Variants in TMED8 observed in about 807,000 individuals in gnomAD.
The protein encoded by TMED8 is protein TMED8.
In TMED8, 15 loss-of-function variants were observed where a neutral mutation model predicts 32.7. The ratio of observed to expected loss-of-function variants is 0.46; its 90% CI spans 0.31 to 0.71. The LOEUF (loss-of-function observed/expected upper bound fraction) is 0.71. Ranked by LOEUF, TMED8 falls within the 30% of genes least tolerant of loss-of-function variation. The pLI is 0.06. For missense variants in TMED8, 390 were observed against 423.9 expected (o/e 0.92, Z 0.70); for synonymous variants, 147 against 161.4 (o/e 0.91, Z 0.68).
chr14:77,335,117 AAT>A lies in TMED8; in HGVS notation c.*6652_*6653del, dbSNP rs1232944712. ...CAAAAGCATCACAAAACTGTTACCT[AAT>A]ATAAAACGCAAGAACTGAGCTACTT... On this transcript the variant is annotated 3_prime_UTR_variant, in exon 6 of 6. Coordinates refer to ENST00000216468, the MANE Select transcript of TMED8 (RefSeq NM_213601.3). 4 of 152,208 alleles carry A rather than the reference AAT, an allele frequency of 2.6e-5. No homozygotes were observed. The highest frequency in any genetic ancestry group is 5.9e-5 in the Non-Finnish European group (4 of 68,036). The allele number at this position is 152,208 out of a possible 1,614,324, so 9.4% of individuals were successfully genotyped here.
chr14:77,364,536 TA>T (rs1218983631), intron 1 of TMED8, among the ~76,000 whole-genome samples: 2 of 152,058 alleles, frequency 1.3e-5, no homozygotes, highest in African/African-American at 2.4e-5. Flanking sequence ...TGAGCCATGA[TA>T]TTTTTTTTAA....
rs1892782294 is a variant in TMED8, at chr14:77,337,241, C to G, written c.*4530G>C. 6.6e-6 allele frequency: 1 copy of G among 152,152 alleles called. No homozygotes were observed. Among genetic ancestry groups the G allele is most frequent in the African/African-American group, 2.4e-5 (1 of 41,424 alleles). The allele number at this position is 152,152 out of a possible 1,614,324, so 9.4% of individuals were successfully genotyped here. On this transcript the variant is annotated 3_prime_UTR_variant, in exon 6 of 6. Transcript: ENST00000216468. Reference sequence around the variant, plus strand: ...GTCCTGAGGACATGTCATCAAGCAACAGAGGTTAGCATAAAGCCCTTCCGG... The same window carrying G: ...GTCCTGAGGACATGTCATCAAGCAAGAGAGGTTAGCATAAAGCCCTTCCGG...
At chr14:77,358,915 T>C (rs955416825) in intron 1 of TMED8, among the ~76,000 whole-genome samples, 2 of 152,122 alleles carry the variant, frequency 1.3e-5, no homozygotes, top group African/African-American at 4.8e-5. Context: ...TTTGTTTGTT[T>C]GTTTGTTTTT....
rs559952741 is a variant in TMED8 at position 77,358,325 on chromosome 14, G to A, written c.119-6574C>T. 1.5e-4 allele frequency among the ~76,000 whole-genome samples: 22 copies of A among 149,464 alleles called. No individual in the cohort carries two copies. In the South Asian group the frequency reaches 3.8e-3, roughly 26 times the overall value. On this transcript the variant is annotated intron_variant, in intron 1 of 5. Transcript: ENST00000216468. ...GGATTTTTCTTTTTTTTTTTGAGAC[G>A]GAGTCTTGCTCTGTCGCCCAGGCTA...
At chr14:77,358,076 A>G (rs1267963173) in intron 1 of TMED8, among the ~76,000 whole-genome samples, 1 of 144,902 alleles carries the variant, frequency 6.9e-6, no homozygotes, top group Admixed American at 7.2e-5. Context: ...GTGAGCTGAG[A>G]TCGTGCCAAG....
At position 77,336,289 on chromosome 14, in the gene TMED8, C is replaced by A. The variant is rs1892757805; in HGVS notation, c.*5482G>T. On this transcript the variant is annotated 3_prime_UTR_variant, in exon 6 of 6. Coordinates refer to ENST00000216468, the MANE Select transcript of TMED8 (RefSeq NM_213601.3). Reference sequence around the variant, plus strand: ...CTAGATTTCTAGGGCAACTTTTCATCATATCTTTGAAGAGTCATGACATTA... The same window carrying A: ...CTAGATTTCTAGGGCAACTTTTCATAATATCTTTGAAGAGTCATGACATTA... 1 of 152,038 alleles carries A rather than the reference C, an allele frequency of 6.6e-6. No homozygotes were observed. The highest frequency in any genetic ancestry group is 2.4e-5 in the African/African-American group (1 of 41,400). The allele number at this position is 152,038 out of a possible 1,614,324, so 9.4% of individuals were successfully genotyped here.
At chr14:77,342,516 A>G (rs1318241389) in intron 5 of TMED8, among the ~76,000 whole-genome samples, 1 of 152,186 alleles carries the variant, frequency 6.6e-6, no homozygotes, top group Non-Finnish European at 1.5e-5. Context: ...TTGCTGTTCT[A>G]TGAAGAAGCA....
chr14:77,351,109 A>G (rs1305540289), intron 2 of TMED8, among the ~76,000 whole-genome samples: 3 of 152,134 alleles, frequency 2.0e-5, no homozygotes, highest in African/African-American at 7.2e-5. Context: ...TCCAATAGAC[A>G]CATAAGCATA....
Position 77,367,698 on chromosome 14 carries a change from T to TC in TMED8, c.118+9237_118+9238insG, listed in dbSNP as rs201290583. Among the ~76,000 whole-genome samples the TC allele has an allele frequency of 9.8e-3, 1,486 of 152,018 alleles. 13 individuals are homozygous for TC. Among genetic ancestry groups the TC allele is most frequent in the African/African-American group, 0.034 (1,416 of 41,486 alleles). Reference sequence around the variant, plus strand: ...GGTAGGTTTGTTAACTTTCTTTCTTTTTTTTTTTTTCTGAGACAGAATCTC... The same window carrying TC: ...GGTAGGTTTGTTAACTTTCTTTCTTTCTTTTTTTTTTCTGAGACAGAATCTC... On this transcript the variant is annotated intron_variant, in intron 1 of 5. Transcript: ENST00000216468.
Position 77,343,329 on chromosome 14 carries a change from A to G in TMED8, c.609T>C (p.Arg203=). ...CATCGGTCGCAAACTCCCAGCAGAC[A>G]CGCTTCCCCTCTGGATGAGTAGGTA... ...IRVPTHPEGK[R]VCWEFATDDY... The change falls in exon 5 of 6, where the codon CGT becomes CGC. Residue 203 remains arginine, a synonymous_variant. Transcript: ENST00000216468. 1.2e-6 allele frequency: 2 copies of G among 1,614,164 alleles called. No individual in the cohort carries two copies. The highest frequency in any genetic ancestry group is 2.2e-5 in the South Asian group (2 of 91,078).
chr14:77,345,250 G>C (rs375360175), intron 3 of TMED8, among the ~76,000 whole-genome samples: 13 of 152,140 alleles, frequency 8.5e-5, no homozygotes, highest in African/African-American at 2.4e-4. Flanking sequence ...GCCTCCCAAA[G>C]TGCTGGGATT....
rs1053316113 is a variant in TMED8, at chr14:77,376,576, G to C, written c.118+360C>G. On this transcript the variant is annotated intron_variant, in intron 1 of 5. Coordinates refer to ENST00000216468, the MANE Select transcript of TMED8 (RefSeq NM_213601.3). The surrounding 1 kb of genome is among the most constrained non-coding windows in gnomAD (Gnocchi z 4.0). ...GGGGCGGCGAGGCCAGTAGGGTTCG[G>C]GTCGGCAGTCTAGATGTGATTAGCA... is the stretch of plus-strand genomic sequence containing the variant. The C allele has an allele frequency of 1.8e-5, 3 of 162,582 alleles. No homozygotes were observed. The highest frequency in any genetic ancestry group is 7.2e-5 in the African/African-American group (3 of 41,926). 10.1% of individuals were successfully genotyped at this position (162,582 alleles called of 1,614,324 possible).
chr14:77,368,276 C>T lies in TMED8; in HGVS notation c.118+8660G>A, dbSNP rs1446771937. Among the ~76,000 whole-genome samples the T allele has an allele frequency of 1.2e-4, 9 of 72,044 alleles. No homozygotes were observed. The Admixed American group carries it at 1.4e-3, about 11-fold the overall frequency. 47.3% of individuals were successfully genotyped at this position (72,044 alleles called of 152,430 possible). A position where few individuals can be genotyped will look rare whatever the true frequency, so the allele number is the denominator to read the frequency against. ...TATAATGCTACCAGCATTGTAGCATCATTTCATTACTCTGGACCTTCTCTG... is the reference window on the plus strand; with the variant it reads ...TATAATGCTACCAGCATTGTAGCATTATTTCATTACTCTGGACCTTCTCTG... On this transcript the variant is annotated intron_variant, in intron 1 of 5. Coordinates refer to ENST00000216468, the MANE Select transcript of TMED8 (RefSeq NM_213601.3).
intron 1 of TMED8, among the ~76,000 whole-genome samples, chr14:77,358,043 G>C (rs1222273903): frequency 6.8e-6 from 1 of 147,996 alleles, no homozygotes; most frequent in Non-Finnish European, 1.5e-5. Context: ...AGAATCGCTG[G>C]AACCTAGGAG....
At chr14:77,344,705 A>T (rs1892986072) in intron 3 of TMED8, among the ~76,000 whole-genome samples, 1 of 152,240 alleles carries the variant, frequency 6.6e-6, no homozygotes, top group Non-Finnish European at 1.5e-5. Context: ...AGAGCACATC[A>T]GTGAGTCAGC....
At chr14:77,357,808 T>C (rs1382178381) in intron 1 of TMED8, among the ~76,000 whole-genome samples, 1 of 151,728 alleles carries the variant, frequency 6.6e-6, no homozygotes, top group Non-Finnish European at 1.5e-5. Flanking sequence ...CTCTAAGGAG[T>C]CCTGGTTCTT....
chr14:77,366,245 T>C (rs1893550753), intron 1 of TMED8, among the ~76,000 whole-genome samples: 1 of 152,220 alleles, frequency 6.6e-6, no homozygotes, highest in South Asian at 2.1e-4. Context: ...CTTTCAAAAA[T>C]ACTCAACCTT....
intron 1 of TMED8, among the ~76,000 whole-genome samples, chr14:77,367,101 A>C (rs896354769): frequency 1.3e-5 from 2 of 151,746 alleles, no homozygotes; most frequent in Non-Finnish European, 2.9e-5. Context: ...AAAATTAGCC[A>C]GGCATGGTGG....
At chr14:77,363,427 C>T (rs1002047108) in intron 1 of TMED8, among the ~76,000 whole-genome samples, 4 of 152,102 alleles carry the variant, frequency 2.6e-5, no homozygotes, top group African/African-American at 9.7e-5. Flanking sequence ...GGAAATATAA[C>T]ATACTAAAAC....
Sources: allele counts gnomAD v4.1 joint callset (sites outside exome capture counted in the v4.1 genomes callset), GRCh38; gene constraint gnomAD v4.1.1; non-coding constraint Gnocchi (gnomAD v3.1); transcripts MANE v1.5; gene names NCBI Gene and HGNC (gene_info 2026-07-23, HGNC 2026-07-21).